The following TACC2 variants were observed in gnomAD, a reference collection of about 807,000 sequenced individuals.
The protein encoded by TACC2 is transforming acidic coiled-coil containing protein 2.
In TACC2, 137 loss-of-function variants were observed where a neutral mutation model predicts 227.3. That is an observed-to-expected ratio of 0.60 (90% confidence interval 0.52 to 0.69). TACC2 has a LOEUF of 0.69. Ranked by LOEUF, TACC2 falls within the 30% of genes least tolerant of loss-of-function variation. TACC2 has a pLI of 0.00. For missense variants in TACC2, 3,470 were observed against 3,694.4 expected (o/e 0.94, Z 1.57); for synonymous variants, 1,523 against 1,487.5 (o/e 1.02, Z -0.55).
chr10:122,087,711 A>C lies in TACC2; in HGVS notation c.5211A>C (p.Ala1737=). ...CTACGAGGACATTCTCCGTTGTGGC[A>C]GGTGACTTGGTGCTGCCAGGAAGCT... The part of the protein sequence containing the change: ...AGTTRTFSVV[A]GDLVLPGSCQ... The change falls in exon 4 of 23, where the codon GCA becomes GCC. Residue 1737 remains alanine (A), a synonymous_variant. Coordinates refer to ENST00000369005, the MANE Select transcript of TACC2 (RefSeq NM_206862.4). 2 of 1,612,864 alleles carry C rather than the reference A, an allele frequency of 1.2e-6. No homozygotes were observed.
intron 7 of TACC2, chr10:122,192,420 C>T (rs1210017798): frequency 9.4e-6 from 3 of 319,182 alleles, no homozygotes; most frequent in Non-Finnish European, 1.9e-5. Context: ...AGAGCAGAGC[C>T]CTTTGTGCTT....
At chr10:122,165,078 C>T (rs946989483) in intron 7 of TACC2, among the ~76,000 whole-genome samples, 6 of 152,220 alleles carry the variant, frequency 3.9e-5, no homozygotes, top group Middle Eastern at 3.4e-3. Context: ...GTCATTCTTC[C>T]GAGCAGGTGT....
chr10:122,063,831 T>TAC (rs139868618), intron 3 of TACC2, among the ~76,000 whole-genome samples: 43,373 of 146,254 alleles, frequency 0.3, 6,381 homozygotes, highest in Non-Finnish European at 0.32. Context: ...TATTATATAA[T>TAC]ACACACACAC....
intron 19 of TACC2, chr10:122,248,328 A>G: frequency 3.6e-6 from 1 of 276,048 alleles, no homozygotes; most frequent in Non-Finnish European, 7.0e-6. Flanking sequence ...GCTGTCAACA[A>G]CCACATAGAA....
chr10:122,242,028 AG>A (rs770305642), intron 19 of TACC2, 27 bp downstream of exon 19: 1 of 1,608,814 alleles, frequency 6.2e-7, no homozygotes, highest in Non-Finnish European at 8.5e-7. Context: ...GCGGGGGCTC[AG>A]GCCGGCCCCG....
In TACC2 at chr10:122,115,318, GTGAGA is replaced by G. The variant is rs2084477968; in HGVS notation, c.5574-17289_5574-17285del. 1.6e-4 allele frequency among the ~76,000 whole-genome samples: 2 copies of G among 12,138 alleles called. 1 individual carries two copies. Among genetic ancestry groups the G allele is most frequent in the African/African-American group, 2.0e-4 (2 of 9,826 alleles). The allele number at this position is 12,138 out of a possible 152,430, so 8.0% of individuals were successfully genotyped here. A position where few individuals can be genotyped will look rare whatever the true frequency, so the allele number is the denominator to read the frequency against. ...TGTGTGTGTGTGTGTGTGTGTGTGT[GTGAGA>G]TACCTGAGCATGCACATATGGGGCA... is the stretch of plus-strand genomic sequence containing the variant. On this transcript the variant is annotated intron_variant, in intron 5 of 22. Coordinates refer to ENST00000369005, the MANE Select transcript of TACC2 (RefSeq NM_206862.4).
chr10:122,083,318 C>G lies in TACC2; in HGVS notation c.818C>G (p.Pro273Arg), dbSNP rs1310129764. 1 of 1,614,052 alleles carries G rather than the reference C, an allele frequency of 6.2e-7. No individual in the cohort carries two copies. ...GTCTTGGAGAAGTCCCCCCTAAAAC[C>G]CATGGCCCCGATCCCACAAGATCCA... ...SAVLEKSPLK[P>R]MAPIPQDPAP... Residue 273 changes from proline to arginine, a missense_variant, in exon 4 of 23, where the codon CCC becomes CGC. Around this residue, in one of 10 missense-constraint regions of TACC2, gnomAD observed 405 missense variants for 389.6 expected, o/e 1.04. Transcript: ENST00000369005.
chr10:122,155,187 C>T (rs1394520865), intron 7 of TACC2, among the ~76,000 whole-genome samples: 3 of 152,198 alleles, frequency 2.0e-5, no homozygotes, highest in African/African-American at 7.2e-5. Context: ...GAGGGGAGCC[C>T]CTCCCACCAC....
intron 8 of TACC2, among the ~76,000 whole-genome samples, chr10:122,200,997 G>A (rs1399316052): frequency 3.9e-5 from 5 of 129,858 alleles, no homozygotes; most frequent in Admixed American, 1.5e-4. Flanking sequence ...CACCTCACCC[G>A]CCCAGAGTGG....
chr10:122,022,107 A>AG (rs1039214472), intron 2 of TACC2, 93 bp downstream of exon 2: 16 of 1,307,296 alleles, frequency 1.2e-5, no homozygotes, highest in Admixed American at 1.7e-5. Flanking sequence ...TCACCCAGGA[A>AG]GGAGCAAACA....
chr10:122,028,010 T>TGTTGCACAGAACAGTCCCCCACA (rs1183714727), intron 2 of TACC2, among the ~76,000 whole-genome samples: 1 of 151,820 alleles, frequency 6.6e-6, no homozygotes, highest in African/African-American at 2.4e-5. Context: ...CCCAAAGTGC[T>TGTTGCACAGAACAGTCCCCCACA]AGGATTACAG....
In TACC2 at chr10:122,045,603, G is replaced by A. The variant is rs2461196; in HGVS notation, c.34-4835G>A. 2.8e-3 allele frequency among the ~76,000 whole-genome samples: 432 copies of A among 152,332 alleles called. 2 individuals carry two copies. Among genetic ancestry groups the A allele is most frequent in the African/African-American group, 9.8e-3 (409 of 41,568 alleles). On this transcript the variant is annotated intron_variant, in intron 2 of 22. Transcript: ENST00000369005. ...CAGAAAGAGAGCTATGTAAATGCTG[G>A]GTGTCAGTATTCTTGTGGAAAGAGC...
At chr10:121,990,697 A>C (rs1248618199) in intron 1 of TACC2, among the ~76,000 whole-genome samples, 1 of 152,066 alleles carries the variant, frequency 6.6e-6, no homozygotes, top group Non-Finnish European at 1.5e-5. Flanking sequence ...ACCCACAACC[A>C]TGGAGAAAGC....
At chr10:122,022,101 C>T (rs1487326717) in intron 2 of TACC2, 87 bp downstream of exon 2, 1 of 1,385,262 alleles carries the variant, frequency 7.2e-7, no homozygotes, top group Admixed American at 1.7e-5. Context: ...TCATCTTCAC[C>T]CAGGAAGGAG....
chr10:122,228,323 C>CCGCTT (rs1168646310), intron 14 of TACC2, among the ~76,000 whole-genome samples: 1 of 152,218 alleles, frequency 6.6e-6, no homozygotes, highest in Non-Finnish European at 1.5e-5. Flanking sequence ...CAGTCCTCTG[C>CCGCTT]CGCTTCGTCC....
At position 122,248,626 on chromosome 10, in the gene TACC2, C is replaced by A. The variant is rs1395760469; in HGVS notation, c.8393-17C>A. The A allele has an allele frequency of 6.2e-7, 1 of 1,612,374 alleles. No homozygotes were observed. The highest frequency in any genetic ancestry group is 1.3e-5 in the African/African-American group (1 of 74,990). On this transcript the variant is annotated splice_polypyrimidine_tract_variant and intron_variant, in intron 19 of 22. Coordinates refer to ENST00000369005, the MANE Select transcript of TACC2 (RefSeq NM_206862.4). ...CTTTCTGGGCTCCATCATTTGGCTC[C>A]TGGTCTCTCCTGCCAGAGGACGAAC...
chr10:122,228,198 TC>T (rs2095664500), intron 14 of TACC2, among the ~76,000 whole-genome samples, 190 bp downstream of exon 14: 1 of 152,330 alleles, frequency 6.6e-6, no homozygotes, highest in South Asian at 2.1e-4. Context: ...GGTTCTCTAT[TC>T]CCACCAGTAT....
intron 5 of TACC2, among the ~76,000 whole-genome samples, chr10:122,108,694 C>T (rs540425676): frequency 2.0e-5 from 3 of 151,776 alleles, no homozygotes; most frequent in East Asian, 1.9e-4. Context: ...CCACCTGCTT[C>T]GGCCTCCCAA....
At chr10:122,206,383 T>C (rs1359820703) in intron 8 of TACC2, among the ~76,000 whole-genome samples, 1 of 152,148 alleles carries the variant, frequency 6.6e-6, no homozygotes, top group African/African-American at 2.4e-5. Context: ...CCCAATGTGA[T>C]TATTTGTAGG....
Sources: allele counts gnomAD v4.1 joint callset (sites outside exome capture counted in the v4.1 genomes callset), GRCh38; gene constraint gnomAD v4.1.1; regional missense constraint gnomAD v4.1.1; transcripts MANE v1.5; gene names NCBI Gene and HGNC (gene_info 2026-07-23, HGNC 2026-07-21).